COL23A1: variants seen among roughly 807,000 people sequenced by gnomAD.
COL23A1 encodes collagen type XXIII alpha 1 chain, also known as collagen alpha-1(XXIII) chain.
COL23A1 carries 97 observed loss-of-function variants against 99.3 expected under a neutral mutation model. The observed-to-expected ratio is 0.98, with a 90% confidence interval of 0.83 to 1.16. COL23A1 has a LOEUF of 1.16. COL23A1 is among the 50% of genes most tolerant of loss of function. The pLI is 0.00. For missense variants in COL23A1, 762 were observed against 757.4 expected (o/e 1.01, Z -0.07); for synonymous variants, 320 against 308.2 (o/e 1.04, Z -0.40).
At chr5:178,334,788 C>T (rs1110162) in intron 2 of COL23A1, among the ~76,000 whole-genome samples, 75,768 of 151,864 alleles carry the variant, frequency 0.5, 19,670 homozygotes, top group East Asian at 0.81. Context: ...CACACGTTTC[C>T]GCCAAGTCTT....
At chr5:178,541,755 T>A (rs1327773208) in intron 2 of COL23A1, among the ~76,000 whole-genome samples, 1 of 152,168 alleles carries the variant, frequency 6.6e-6, no homozygotes, top group Non-Finnish European at 1.5e-5. Flanking sequence ...CCAACAACAA[T>A]GCACAAATGA....
chr5:178,247,349 G>A (rs1764757250), intron 22 of COL23A1, among the ~76,000 whole-genome samples, 177 bp downstream of exon 22: 2 of 152,132 alleles, frequency 1.3e-5, no homozygotes, highest in African/African-American at 4.8e-5. Context: ...GGGGGGCATT[G>A]GCCTCAACGA....
At chr5:178,338,037 C>A (rs1394577034) in intron 2 of COL23A1, among the ~76,000 whole-genome samples, 1 of 152,114 alleles carries the variant, frequency 6.6e-6, no homozygotes, top group African/African-American at 2.4e-5. Flanking sequence ...CATGTTAGAG[C>A]AAGCTGAGAA....
At chr5:178,298,957 A>G (rs1323276138) in intron 3 of COL23A1, among the ~76,000 whole-genome samples, 1 of 152,218 alleles carries the variant, frequency 6.6e-6, no homozygotes, top group Admixed American at 6.5e-5. Context: ...CTTATTCAAT[A>G]ATATGATGTA....
intron 2 of COL23A1, among the ~76,000 whole-genome samples, chr5:178,408,707 C>A (rs1235391367): frequency 6.6e-6 from 1 of 152,006 alleles, no homozygotes; most frequent in Non-Finnish European, 1.5e-5. Context: ...GTAATCCCAG[C>A]ACTTTGGGAG....
chr5:178,426,921 G>A (rs565846423), intron 2 of COL23A1, among the ~76,000 whole-genome samples: 28 of 152,358 alleles, frequency 1.8e-4, no homozygotes, highest in African/African-American at 6.5e-4. Context: ...GATGAGGCCA[G>A]TGTGGTGGCT....
chr5:178,266,336 C>T (rs112321617), intron 8 of COL23A1, among the ~76,000 whole-genome samples: 4 of 152,170 alleles, frequency 2.6e-5, no homozygotes, highest in African/African-American at 4.8e-5. Context: ...CCACCTCGCC[C>T]GGCCATTAAG....
intron 2 of COL23A1, among the ~76,000 whole-genome samples, chr5:178,377,526 C>G (rs1355772659): frequency 6.6e-6 from 1 of 152,192 alleles, no homozygotes; most frequent in Non-Finnish European, 1.5e-5. Context: ...GGCCTTTTGC[C>G]TTTTCTTCAC....
intron 2 of COL23A1, among the ~76,000 whole-genome samples, chr5:178,381,661 G>A (rs868430664): frequency 6.6e-6 from 1 of 152,286 alleles, no homozygotes; most frequent in Middle Eastern, 3.4e-3. Flanking sequence ...TTTGAGACAG[G>A]GTCTTGCTGT....
In COL23A1 at chr5:178,247,799, G is replaced by T; in HGVS notation, c.1245C>A (p.Gly415=). 1 of 1,613,294 alleles carries T rather than the reference G, an allele frequency of 6.2e-7. No homozygotes were observed. The highest frequency in any genetic ancestry group is 8.5e-7 in the Non-Finnish European group (1 of 1,179,632). ...AQLIVEPGPP[G]PPGPPGPMGL... is the part of the protein sequence containing the mutation. ...CCATCGGGCCTGGGGGGCCAGGGGG[G>T]CCAGGGGGCCCTGGCTCCACTATGA... is the stretch of plus-strand genomic sequence containing the variant. Residue 415 remains glycine, a synonymous_variant, in exon 21 of 29, where the codon GGC becomes GGA. Coordinates refer to ENST00000390654, the MANE Select transcript of COL23A1 (RefSeq NM_173465.4).
intron 2 of COL23A1, among the ~76,000 whole-genome samples, chr5:178,551,036 T>C (rs959936941): frequency 2.6e-5 from 4 of 151,776 alleles, no homozygotes; most frequent in African/African-American, 9.7e-5. Context: ...ATTCTGAGGG[T>C]CTTCCATTTT....
In COL23A1 at chr5:178,428,195, G is replaced by A. The variant is rs140628259; in HGVS notation, c.362-121276C>T. 5.3e-5 allele frequency among the ~76,000 whole-genome samples: 8 copies of A among 152,312 alleles called. No homozygotes were observed. The highest frequency in any genetic ancestry group is 1.9e-4 in the African/African-American group (8 of 41,556). ...GAGGAATCCAAAGTCCTGAGCAATCGTGTCCCCTTAGGTGACCAAGCCTTC... is the reference window on the plus strand; with the variant it reads ...GAGGAATCCAAAGTCCTGAGCAATCATGTCCCCTTAGGTGACCAAGCCTTC... On this transcript the variant is annotated intron_variant, in intron 2 of 28. Transcript: ENST00000390654. This position sits in a 1 kb window ranked among gnomAD's most constrained non-coding sequence, Gnocchi z 5.0.
At chr5:178,502,785 C>T (rs781394655) in intron 2 of COL23A1, among the ~76,000 whole-genome samples, 7 of 152,342 alleles carry the variant, frequency 4.6e-5, no homozygotes, top group African/African-American at 1.4e-4. Context: ...CTCTCACACA[C>T]GCCAGAAGAC....
intron 2 of COL23A1, among the ~76,000 whole-genome samples, chr5:178,487,288 T>TTTA (rs1554182815): frequency 8.6e-6 from 1 of 116,460 alleles, no homozygotes; most frequent in African/African-American, 3.2e-5. Context: ...CCAGCCTCAG[T>TTTA]TTTATTTATT....
chr5:178,547,479 A>ACACCCC (rs1298188871), intron 2 of COL23A1, among the ~76,000 whole-genome samples: 179 of 19,414 alleles, frequency 9.2e-3, no homozygotes, highest in African/African-American at 0.023. Flanking sequence ...CCACACACCC[A>ACACCCC]CACACACACC....
chr5:178,546,055 G>T (rs190956345), intron 2 of COL23A1, among the ~76,000 whole-genome samples: 1 of 152,066 alleles, frequency 6.6e-6, no homozygotes, highest in Non-Finnish European at 1.5e-5. Context: ...CCAAGGAGCC[G>T]GGAGGCTGCC....
At chr5:178,417,187 C>A (rs574243804) in intron 2 of COL23A1, among the ~76,000 whole-genome samples, 1 of 152,214 alleles carries the variant, frequency 6.6e-6, no homozygotes, top group African/African-American at 2.4e-5. Context: ...TCTTTCCCAA[C>A]GGATGGCTCT....
intron 5 of COL23A1, among the ~76,000 whole-genome samples, chr5:178,275,407 C>G (rs1463077261): frequency 6.6e-6 from 1 of 152,348 alleles, no homozygotes; most frequent in African/African-American, 2.4e-5. Flanking sequence ...TTTGCTCTCT[C>G]CCTCCCTCGG....
Position 178,242,324 on chromosome 5 carries a change from C to T in COL23A1, c.1494+17G>A, listed in dbSNP as rs922870823. 1.4e-5 allele frequency: 23 copies of T among 1,613,156 alleles called. No individual in the cohort carries two copies. Among genetic ancestry groups the T allele is most frequent in the East Asian group, 2.2e-5 (1 of 44,784 alleles). On this transcript the variant is annotated intron_variant, in intron 26 of 28. Coordinates refer to ENST00000390654, the MANE Select transcript of COL23A1 (RefSeq NM_173465.4). ...CCCCCTCTCCTCCTGCCCCAGCTCC[C>T]GTCCAGCTGCCCTCACCTTCTCTCC...
Sources: gnomAD v4.1 joint callset for allele counts (sites outside exome capture counted in the v4.1 genomes callset) on GRCh38, gnomAD v4.1.1 for gene constraint, Gnocchi (gnomAD v3.1) non-coding constraint, MANE v1.5 for transcripts, NCBI Gene and HGNC (gene_info 2026-07-23, HGNC 2026-07-21) for gene names.